Variants in NDUFA9 observed in about 807,000 individuals in gnomAD.
NDUFA9 encodes NADH dehydrogenase [ubiquinone] 1 alpha subcomplex subunit 9, mitochondrial.
A neutral mutation model predicts 45.9 loss-of-function variants in NDUFA9; 23 were observed. The observed-to-expected ratio is 0.50, with a 90% CI of 0.36 to 0.71. The LOEUF is 0.71. Ranked by LOEUF, NDUFA9 falls within the 30% of genes least tolerant of loss-of-function variation. The pLI is 0.00. For missense variants in NDUFA9, 466 were observed against 488.2 expected, an observed-to-expected ratio of 0.95 and a Z score of 0.43; for synonymous variants, 176 against 170.5, an observed-to-expected ratio of 1.03 and a Z score of -0.25.
intron 4 of NDUFA9, 41 bp from the exon 5 acceptor site, chr12:4,658,995 T>A (rs1439596838): frequency 6.3e-7 from 1 of 1,577,114 alleles, no homozygotes; most frequent in Non-Finnish European, 8.7e-7. Flanking sequence ...AGATCCTGTG[T>A]GTGGAGTTCT....
chr12:4,662,453 C>A (rs2137468340), intron 5 of NDUFA9, 80 bp from the exon 6 acceptor site: 1 of 1,031,702 alleles, frequency 9.7e-7, no homozygotes, highest in South Asian at 1.3e-5. Flanking sequence ...AAATACAAGT[C>A]ATGTCTTAAT....
At chr12:4,667,449 C>G (rs1945859411) in intron 6 of NDUFA9, 1 of 163,078 alleles carries the variant, frequency 6.1e-6, no homozygotes, top group Non-Finnish European at 1.4e-5. Context: ...TCTTTTGCCA[C>G]TTTGATAAAG....
intron 4 of NDUFA9, among the ~76,000 whole-genome samples, 193 bp from the exon 5 acceptor site, chr12:4,658,843 G>C (rs1256621228): frequency 6.6e-6 from 1 of 152,108 alleles, no homozygotes; most frequent in Admixed American, 6.5e-5. Flanking sequence ...ACCCGCCTTG[G>C]CCTCCCAAAG....
chr12:4,673,402 C>A (rs1354405430), intron 8 of NDUFA9, among the ~76,000 whole-genome samples: 2 of 151,976 alleles, frequency 1.3e-5, no homozygotes, highest in South Asian at 2.1e-4. Context: ...CATGTTCTAA[C>A]CCAATGCAAG....
At chr12:4,653,270 C>T (rs140652374) in intron 1 of NDUFA9, among the ~76,000 whole-genome samples, 1 of 152,322 alleles carries the variant, frequency 6.6e-6, no homozygotes, top group East Asian at 1.9e-4. Flanking sequence ...ATAATTGCTA[C>T]ACTTAATTGT....
intron 8 of NDUFA9, among the ~76,000 whole-genome samples, chr12:4,677,489 T>C (rs1280116460): frequency 6.6e-6 from 1 of 152,212 alleles, no homozygotes; most frequent in African/African-American, 2.4e-5. Flanking sequence ...GCGAAAGATA[T>C]GAGCAGACAC....
intron 6 of NDUFA9, among the ~76,000 whole-genome samples, chr12:4,666,733 G>A (rs1351544159): frequency 6.6e-6 from 1 of 151,942 alleles, no homozygotes; most frequent in Non-Finnish European, 1.5e-5. Context: ...TTTTCTTTAC[G>A]CCACTGTTTT....
intron 7 of NDUFA9, 160 bp downstream of exon 7, chr12:4,668,684 C>T (rs1945867730): frequency 1.5e-6 from 1 of 647,692 alleles, no homozygotes; most frequent in South Asian, 1.9e-5. Flanking sequence ...TACATGCCTT[C>T]TCTGTGTCTT....
intron 8 of NDUFA9, among the ~76,000 whole-genome samples, chr12:4,672,009 G>A (rs1945889943): frequency 6.6e-6 from 1 of 152,200 alleles, no homozygotes; most frequent in Non-Finnish European, 1.5e-5. Context: ...GACACAGAAG[G>A]CGAGTGATTT....
chr12:4,654,561 T>C lies in NDUFA9; in HGVS notation c.220+99T>C, dbSNP rs1435091999. 6 of 1,348,750 alleles carry C rather than the reference T, an allele frequency of 4.4e-6. No individual in the cohort carries two copies. In the African/African-American group the frequency reaches 5.8e-5, roughly 13 times the overall value. The allele number at this position is 1,348,750 out of a possible 1,614,324, so 83.5% of individuals were successfully genotyped here. Reference sequence around the variant, plus strand: ...GTTTCTCTTCATTTTAACAGTATTATGAATTACTCCTGTCTTGGATGTATG... The same window carrying C: ...GTTTCTCTTCATTTTAACAGTATTACGAATTACTCCTGTCTTGGATGTATG... On this transcript the variant is annotated intron_variant, in intron 2 of 10. Coordinates refer to ENST00000266544, the MANE Select transcript of NDUFA9 (RefSeq NM_005002.5).
At chr12:4,675,909 A>G (rs568048455) in intron 8 of NDUFA9, among the ~76,000 whole-genome samples, 56 of 152,342 alleles carry the variant, frequency 3.7e-4, no homozygotes, top group South Asian at 2.5e-3. Flanking sequence ...AAAATCCTCA[A>G]TAAAATCCAG....
At chr12:4,662,720 A>G in intron 6 of NDUFA9, 85 bp downstream of exon 6, 1 of 1,058,166 alleles carries the variant, frequency 9.5e-7, no homozygotes, top group South Asian at 1.4e-5. Context: ...TCTCTGATTG[A>G]CAGACTAAGG....
intron 3 of NDUFA9, chr12:4,655,585 A>G (rs1437001974): frequency 6.6e-6 from 1 of 152,212 alleles, no homozygotes; most frequent in African/African-American, 2.4e-5. Context: ...TTTTTTACCT[A>G]TGTGCCTCAT....
chr12:4,683,191 A>AAAAAG (rs1240004459), intron 9 of NDUFA9, among the ~76,000 whole-genome samples: 1 of 151,658 alleles, frequency 6.6e-6, no homozygotes, highest in African/African-American at 2.4e-5. Flanking sequence ...AAAAAAAAAA[A>AAAAAG]AAAGAAAGAA....
rs777978273 is a variant in NDUFA9, at chr12:4,657,732, C to T, written c.319-16C>T. ...ATACCCCTATGTTTTCATCCGATTG[C>T]TTTCTGCTATTATAGGAATGGGACG... On this transcript the variant is annotated splice_polypyrimidine_tract_variant and intron_variant, in intron 3 of 10. Coordinates refer to ENST00000266544, the MANE Select transcript of NDUFA9 (RefSeq NM_005002.5). 34 of 1,592,792 alleles carry T rather than the reference C, an allele frequency of 2.1e-5. No homozygotes were observed. In the African/African-American group the frequency reaches 3.9e-4, roughly 18 times the overall value.
rs1357594060 is a variant in NDUFA9 at position 4,668,505 on chromosome 12, C to T, written c.704C>T (p.Thr235Ile). 1.2e-6 allele frequency: 2 copies of T among 1,612,850 alleles called. No homozygotes were observed. The highest frequency in any genetic ancestry group is 1.7e-6 in the Non-Finnish European group (2 of 1,179,008). ...PIPLGSLGWK[T>I]VKQPVYVVDV... ...CCCCTTGGTTCCTTGGGCTGGAAGACAGTTAAACAACCAGTATATGTAAGT... is the reference window on the plus strand; with the variant it reads ...CCCCTTGGTTCCTTGGGCTGGAAGATAGTTAAACAACCAGTATATGTAAGT... Residue 235 changes from threonine to isoleucine, a missense_variant, in exon 7 of 11, where the codon ACA becomes ATA. Transcript: ENST00000266544.
At chr12:4,678,642 A>G (rs1945934886) in intron 8 of NDUFA9, among the ~76,000 whole-genome samples, 1 of 152,180 alleles carries the variant, frequency 6.6e-6, no homozygotes, top group South Asian at 2.1e-4. Flanking sequence ...AAAAGACATG[A>G]ATAGGCATAT....
At chr12:4,668,548 C>A in intron 7 of NDUFA9, 24 bp downstream of exon 7, 1 of 1,578,226 alleles carries the variant, frequency 6.3e-7, no homozygotes, top group Admixed American at 1.7e-5. Flanking sequence ...TGAAGGGGGT[C>A]AGAAAGGGAT....
chr12:4,684,134 G>A (rs1945969862), intron 9 of NDUFA9, among the ~76,000 whole-genome samples: 3 of 152,124 alleles, frequency 2.0e-5, no homozygotes, highest in Non-Finnish European at 4.4e-5. Flanking sequence ...GAGAGTTAGA[G>A]GTTTGTAATG....
Sources: allele counts gnomAD v4.1 joint callset (sites outside exome capture counted in the v4.1 genomes callset), GRCh38; gene constraint gnomAD v4.1.1; transcripts MANE v1.5; gene names NCBI Gene and HGNC (gene_info 2026-07-23, HGNC 2026-07-21).